Variants in CHD9 observed in about 807,000 individuals in gnomAD.
CHD9 encodes the protein ATP-dependent chromatin remodeler CHD9.
CHD9 carries 77 observed loss-of-function variants against 316.1 expected under a neutral mutation model. The ratio of observed to expected loss-of-function variants is 0.24; its 90% CI spans 0.20 to 0.29. CHD9 has a LOEUF of 0.29. Among genes scored for constraint, CHD9 ranks in the 10% least tolerant of loss-of-function variants. The pLI, the probability that CHD9 is intolerant of heterozygous loss-of-function variation, is 1.00. For missense variants in CHD9, 2,763 were observed against 3,438.1 expected, an observed-to-expected ratio of 0.80 and a Z score of 4.91; for synonymous variants, 1,129 against 1,158.3, an observed-to-expected ratio of 0.97 and a Z score of 0.51.
Position 53,255,591 on chromosome 16 carries a change from T to A in CHD9, c.4030-9T>A, listed in dbSNP as rs1254426895. 6.2e-7 allele frequency: 1 copy of A among 1,601,964 alleles called. No individual in the cohort carries two copies. The highest frequency in any genetic ancestry group is 2.2e-5 in the East Asian group (1 of 44,794). ...AAAACTATTTTTATGGAAGTTAATTTCTCCTTAGATTCAGCAGCTTTCCAA... is the reference window on the plus strand; with the variant it reads ...AAAACTATTTTTATGGAAGTTAATTACTCCTTAGATTCAGCAGCTTTCCAA... On this transcript the variant is annotated splice_polypyrimidine_tract_variant and intron_variant, in intron 18 of 38. Coordinates refer to ENST00000447540, the MANE Select transcript of CHD9 (RefSeq NM_001308319.2).
chr16:53,279,150 AC>A (rs1169555962), intron 24 of CHD9, among the ~76,000 whole-genome samples: 1 of 152,224 alleles, frequency 6.6e-6, no homozygotes, highest in Non-Finnish European at 1.5e-5. Context: ...AAAATGTGGC[AC>A]ATATACACCA....
intron 33 of CHD9, among the ~76,000 whole-genome samples, chr16:53,308,315 A>G (rs1250413742): frequency 6.6e-6 from 1 of 152,176 alleles, no homozygotes; most frequent in African/African-American, 2.4e-5. Context: ...TTTTTAAATG[A>G]TTTTTGAAGC....
chr16:53,104,612 A>C (rs2152573565), intron 1 of CHD9, among the ~76,000 whole-genome samples: 1 of 152,246 alleles, frequency 6.6e-6, no homozygotes, highest in South Asian at 2.1e-4. Flanking sequence ...GGAGTTGAAG[A>C]CCAACCTGGC....
chr16:53,098,095 G>A (rs2036532656), intron 1 of CHD9, among the ~76,000 whole-genome samples: 1 of 152,144 alleles, frequency 6.6e-6, no homozygotes, highest in African/African-American at 2.4e-5. Context: ...ACTCCAGCCT[G>A]GGGGACAAGA....
intron 2 of CHD9, among the ~76,000 whole-genome samples, chr16:53,189,322 A>G (rs2044294621): frequency 6.6e-6 from 1 of 151,974 alleles, no homozygotes; most frequent in South Asian, 2.1e-4. Flanking sequence ...GCCTTTTATT[A>G]TGTTGCAAAG....
chr16:53,184,877 C>T (rs2043850933), intron 2 of CHD9, among the ~76,000 whole-genome samples: 1 of 152,102 alleles, frequency 6.6e-6, no homozygotes, highest in Admixed American at 6.5e-5. Flanking sequence ...AGGGGCTTCC[C>T]CCTTTGCTTG....
rs1191105250 is a variant in CHD9 at position 53,324,503 on chromosome 16, A to G, written c.8302A>G (p.Asn2768Asp). 11 of 1,613,948 alleles carry G rather than the reference A, an allele frequency of 6.8e-6. No homozygotes were observed. Among genetic ancestry groups the G allele is most frequent in the Non-Finnish European group, 9.3e-6 (11 of 1,179,866 alleles). ...CCAAAGTTCAGAGAATGGTGGAGAAAACTCTGTGTCAAGTTCTCCTTCCAC... is the reference window on the plus strand; with the variant it reads ...CCAAAGTTCAGAGAATGGTGGAGAAGACTCTGTGTCAAGTTCTCCTTCCAC... ...ESQSSENGGENSVSSSPSTSS... is the reference protein window; with the variant it reads ...ESQSSENGGEDSVSSSPSTSS... Residue 2768 changes from asparagine (N) to aspartate (D), a missense_variant, in exon 39 of 39, where the codon AAC (asparagine) becomes GAC (aspartate). Around this residue, in one of 15 missense-constraint regions of CHD9, gnomAD observed 298 missense variants for 380.2 expected, o/e 0.78. Transcript: ENST00000447540.
Position 53,157,451 on chromosome 16 carries a change from T to C in CHD9, c.1362T>C (p.Thr454=), listed in dbSNP as rs996187415. The change falls in exon 2 of 39, where the codon ACT becomes ACC. Residue 454 remains threonine (T), a synonymous_variant. Coordinates refer to ENST00000447540, the MANE Select transcript of CHD9 (RefSeq NM_001308319.2). The stretch of plus-strand genomic sequence containing the variant: ...CACGGCCTTCTGATATGGCTCAGAC[T>C]CAGTTGCAAAGTCAGGCTCGGAGTT... ...LVTRPSDMAQ[T]QLQSQARSWH... The C allele has an allele frequency of 3.7e-6, 6 of 1,614,002 alleles. No individual in the cohort carries two copies. Among genetic ancestry groups the C allele is most frequent in the Non-Finnish European group, 5.1e-6 (6 of 1,179,882 alleles).
Position 53,307,787 on chromosome 16 carries a change from A to G in CHD9, c.6887A>G (p.Tyr2296Cys), listed in dbSNP as rs758877456. The change falls in exon 33 of 39, where the codon TAT becomes TGT. Residue 2296 changes from tyrosine to cysteine, a missense_variant. Tyr to Cys is a radical substitution (Grantham distance 194). This residue lies in a region of CHD9 where 663 missense variants were observed against 751.2 expected (regional missense o/e 0.88). Coordinates refer to ENST00000447540, the MANE Select transcript of CHD9 (RefSeq NM_001308319.2). ...GATGCTAACACAGTGGCTTCTTTCT[A>G]TACCACAAAACTGCTGGACAGCCCT... ...SYDANTVASF[Y>C]TTKLLDSPGA... is the part of the protein sequence containing the mutation. 6.8e-6 allele frequency: 11 copies of G among 1,613,370 alleles called. No homozygotes were observed. The highest frequency in any genetic ancestry group is 1.1e-5 in the South Asian group (1 of 90,886).
chr16:53,142,336 A>G (rs560440134), intron 1 of CHD9, among the ~76,000 whole-genome samples: 2 of 152,352 alleles, frequency 1.3e-5, no homozygotes, highest in South Asian at 4.1e-4. Flanking sequence ...TTGTGGGCTC[A>G]AGAGATCCGC....
chr16:53,313,320 T>C (rs939501693), intron 34 of CHD9, among the ~76,000 whole-genome samples: 1 of 152,144 alleles, frequency 6.6e-6, no homozygotes, highest in Non-Finnish European at 1.5e-5. Flanking sequence ...AGTGTTTTTT[T>C]TCTGAGACAG....
intron 13 of CHD9, 79 bp downstream of exon 13, chr16:53,243,095 A>T (rs879640138): frequency 1.4e-4 from 145 of 1,067,912 alleles, no homozygotes; most frequent in Non-Finnish European, 1.8e-4. Flanking sequence ...AATGCTAAAA[A>T]TTTTTCTTTT....
At chr16:53,323,882 T>C (rs1380888091) in intron 38 of CHD9, 138 bp from the exon 39 acceptor site, 3 of 703,186 alleles carry the variant, frequency 4.3e-6, no homozygotes, top group Non-Finnish European at 7.0e-6. Flanking sequence ...TTATTGCTAT[T>C]ATAATTGATT....
chr16:53,089,965 C>T (rs2035796155), intron 1 of CHD9, among the ~76,000 whole-genome samples: 1 of 152,182 alleles, frequency 6.6e-6, no homozygotes, highest in African/African-American at 2.4e-5. Context: ...AAGGGGAGGC[C>T]ACGCTGGTTG....
At chr16:53,228,544 T>TC (rs1240139419) in intron 7 of CHD9, among the ~76,000 whole-genome samples, 2 of 148,144 alleles carry the variant, frequency 1.4e-5, no homozygotes, top group Non-Finnish European at 3.0e-5. Context: ...AGTGTTTTTT[T>TC]TTTTTTTTTT....
chr16:53,222,590 A>G, intron 3 of CHD9, 54 bp from the exon 4 acceptor site: 1 of 837,418 alleles, frequency 1.2e-6, no homozygotes, highest in Non-Finnish European at 1.9e-6. Flanking sequence ...AATTTAATCA[A>G]ATTTAGGAAA....
At chr16:53,122,612 T>C (rs573572000) in intron 1 of CHD9, among the ~76,000 whole-genome samples, 7 of 151,594 alleles carry the variant, frequency 4.6e-5, no homozygotes, top group African/African-American at 1.7e-4. Context: ...TGGCACAATC[T>C]TGTCTCACTG....
chr16:53,118,714 T>C (rs559194332), intron 1 of CHD9, among the ~76,000 whole-genome samples: 1 of 151,982 alleles, frequency 6.6e-6, no homozygotes, highest in African/African-American at 2.4e-5. Flanking sequence ...AATCTCCAAA[T>C]ACTTTTACGT....
At chr16:53,215,159 G>A (rs571695481) in intron 3 of CHD9, among the ~76,000 whole-genome samples, 4 of 152,054 alleles carry the variant, frequency 2.6e-5, no homozygotes, top group Admixed American at 6.5e-5. Context: ...CTCGCGATCC[G>A]CCTGCCTCGG....
Sources: gnomAD v4.1 joint callset for allele counts (sites outside exome capture counted in the v4.1 genomes callset) on GRCh38, gnomAD v4.1.1 for gene constraint, gnomAD v4.1.1 regional missense constraint, MANE v1.5 for transcripts, NCBI Gene and HGNC (gene_info 2026-07-23, HGNC 2026-07-21) for gene names.